Variants in PGAP1 observed in about 807,000 individuals in gnomAD.
The protein encoded by PGAP1 is post-GPI attachment to proteins inositol deacylase 1.
In PGAP1, 76 loss-of-function variants were observed where a neutral mutation model predicts 127.0. The observed-to-expected ratio is 0.60, with a 90% CI of 0.50 to 0.72. The LOEUF is 0.72. Ranked by LOEUF, PGAP1 falls within the 30% of genes least tolerant of loss-of-function variation. The pLI, the probability that PGAP1 is intolerant of heterozygous loss-of-function variation, is 0.00. For synonymous variants in PGAP1, 362 were observed against 366.5 expected (o/e 0.99, Z 0.14); for missense variants, 982 against 1,071.3 (o/e 0.92, Z 1.16).
chr2:196,884,432 T>A (rs1250338170), intron 12 of PGAP1, among the ~76,000 whole-genome samples: 1 of 152,158 alleles, frequency 6.6e-6, no homozygotes, highest in Non-Finnish European at 1.5e-5. Context: ...CAAGGTCACA[T>A]GAATGAATAT....
At chr2:196,871,905 CA>C (rs1428326636) in intron 18 of PGAP1, among the ~76,000 whole-genome samples, 1 of 152,108 alleles carries the variant, frequency 6.6e-6, no homozygotes, top group Non-Finnish European at 1.5e-5. Context: ...TTCATGAATC[CA>C]TAAGTAACTA....
intron 20 of PGAP1, among the ~76,000 whole-genome samples, chr2:196,853,287 T>C (rs1293343735): frequency 6.6e-6 from 1 of 152,252 alleles, no homozygotes; most frequent in East Asian, 1.9e-4. Flanking sequence ...TGTACTGTTA[T>C]GGCCTGAGGC....
At chr2:196,897,304 T>C in intron 6 of PGAP1, 107 bp from the exon 7 acceptor site, 1 of 522,682 alleles carries the variant, frequency 1.9e-6, no homozygotes, top group Middle Eastern at 3.0e-4. Context: ...TTTCCTTTAG[T>C]GCTCTAAACT....
rs185075085 is a variant in PGAP1 at position 196,919,346 on chromosome 2, C to T, written c.301+651G>A. On this transcript the variant is annotated intron_variant, in intron 2 of 26. Coordinates refer to ENST00000354764, the MANE Select transcript of PGAP1 (RefSeq NM_024989.4). Reference sequence around the variant, plus strand: ...TAGACACGTGCTAGATGAATAAACACGTAAATAATTGCACATGTTGAAACA... The same window carrying T: ...TAGACACGTGCTAGATGAATAAACATGTAAATAATTGCACATGTTGAAACA... Among the ~76,000 whole-genome samples the T allele has an allele frequency of 4.4e-4, 67 of 152,254 alleles. No homozygotes were observed. In the East Asian group the frequency reaches 0.012, roughly 28 times the overall value.
chr2:196,875,885 T>TG, intron 13 of PGAP1, 64 bp from the exon 14 acceptor site: 4 of 822,508 alleles, frequency 4.9e-6, no homozygotes, highest in Non-Finnish European at 7.9e-6. Context: ...GTATCTTTAC[T>TG]TGATGTTTGA....
intron 5 of PGAP1, among the ~76,000 whole-genome samples, chr2:196,898,797 C>T (rs1702375774): frequency 6.6e-6 from 1 of 151,992 alleles, no homozygotes; most frequent in South Asian, 2.1e-4. Flanking sequence ...AAGATGTTAA[C>T]TTCTTCATCA....
Position 196,854,321 on chromosome 2 carries a change from T to C in PGAP1, c.1862-6284A>G, listed in dbSNP as rs115280571. On this transcript the variant is annotated intron_variant, in intron 20 of 26. Transcript: ENST00000354764. ...GAGATATTAAATGATTAGGCTTATT[T>C]GGTAAATTATATGGAAAACATTGTC... 2.5e-3 allele frequency among the ~76,000 whole-genome samples: 383 copies of C among 152,312 alleles called. 2 individuals carry two copies. Among genetic ancestry groups the C allele is most frequent in the African/African-American group, 8.8e-3 (366 of 41,562 alleles).
chr2:196,843,945 A>G lies in PGAP1; in HGVS notation c.2468T>C (p.Leu823Pro), dbSNP rs1296936019. ...CATGCTGAGTAATACAATCCATGTT[A>G]GTAAGTTAATCACAGTACTGTGCAT... The part of the protein sequence containing the change: ...LRMHSTVINL[L>P]TWIVLLSMPS... Residue 823 changes from leucine (L) to proline (P), a missense_variant, in exon 25 of 27, where the codon CTA becomes CCA. Leu to Pro is a moderately conservative substitution (Grantham distance 98). Coordinates refer to ENST00000354764, the MANE Select transcript of PGAP1 (RefSeq NM_024989.4). 1 of 1,594,148 alleles carries G rather than the reference A, an allele frequency of 6.3e-7. No individual in the cohort carries two copies.
intron 1 of PGAP1, among the ~76,000 whole-genome samples, chr2:196,920,447 A>C (rs544682677): frequency 2.6e-4 from 40 of 152,252 alleles, no homozygotes; most frequent in African/African-American, 9.4e-4. Flanking sequence ...GGCAGAAAGC[A>C]CTGGTATATG....
chr2:196,901,940 C>T (rs1380116756), intron 5 of PGAP1, among the ~76,000 whole-genome samples: 1 of 152,104 alleles, frequency 6.6e-6, no homozygotes, highest in East Asian at 1.9e-4. Flanking sequence ...AATGAACAGG[C>T]TCTTATTTTA....
chr2:196,871,057 G>T, intron 18 of PGAP1, 78 bp from the exon 19 acceptor site: 1 of 981,822 alleles, frequency 1.0e-6, no homozygotes, highest in Non-Finnish European at 1.6e-6. Context: ...GAGCACTTAT[G>T]CATATCTCTA....
rs935124847 is a variant in PGAP1 at position 196,833,085 on chromosome 2, C to T, written c.*8149G>A. 1 of 152,546 alleles carries T rather than the reference C, an allele frequency of 6.6e-6. No homozygotes were observed. Among genetic ancestry groups the T allele is most frequent in the Admixed American group, 6.5e-5 (1 of 15,270 alleles). The allele number at this position is 152,546 out of a possible 1,614,324, so 9.4% of individuals were successfully genotyped here. A position where few individuals can be genotyped will look rare whatever the true frequency, so the allele number is the denominator to read the frequency against. On this transcript the variant is annotated 3_prime_UTR_variant, in exon 27 of 27. Transcript: ENST00000354764. ...AAAAAGAAAGCACCAAAAATTACTACACATTAATACCTGAGCAGAGACTGA... is the reference window on the plus strand; with the variant it reads ...AAAAAGAAAGCACCAAAAATTACTATACATTAATACCTGAGCAGAGACTGA...
chr2:196,890,686 A>G (rs1483973278), intron 10 of PGAP1, 142 bp downstream of exon 10: 2 of 565,236 alleles, frequency 3.5e-6, no homozygotes, highest in Non-Finnish European at 6.3e-6. Flanking sequence ...ATACTTTTCA[A>G]TCAAAACACT....
chr2:196,885,431 G>A lies in PGAP1; in HGVS notation c.1265C>T (p.Thr422Ile). Residue 422 changes from threonine (T) to isoleucine (I), a missense_variant, in exon 12 of 27, where the codon ACA becomes ATA. By Grantham distance (89) the Thr-to-Ile change is moderately conservative. Coordinates refer to ENST00000354764, the MANE Select transcript of PGAP1 (RefSeq NM_024989.4). ...TCTGAAGCCATAATTTACCTTAATTGTTGGCAGCAGTTCAGCTTTCCATGA... is the reference window on the plus strand; with the variant it reads ...TCTGAAGCCATAATTTACCTTAATTATTGGCAGCAGTTCAGCTTTCCATGA... ...DLSWKAELLP[T>I]IKYLTLRLQD... The A allele has an allele frequency of 6.3e-7, 1 of 1,599,202 alleles. No homozygotes were observed. Among genetic ancestry groups the A allele is most frequent in the Non-Finnish European group, 8.5e-7 (1 of 1,171,588 alleles).
intron 12 of PGAP1, among the ~76,000 whole-genome samples, chr2:196,883,269 A>G (rs961267374): frequency 4.6e-5 from 7 of 152,190 alleles, no homozygotes; most frequent in East Asian, 1.9e-4. Flanking sequence ...GCTTTCCCCA[A>G]TCTTCTTGAG....
At chr2:196,863,634 G>C (rs1701140103) in intron 20 of PGAP1, among the ~76,000 whole-genome samples, 1 of 152,108 alleles carries the variant, frequency 6.6e-6, no homozygotes, top group South Asian at 2.1e-4. Context: ...GAAGAAATAA[G>C]GTCTAGCATT....
At chr2:196,865,179 C>A in intron 19 of PGAP1, 99 bp from the exon 20 acceptor site, 1 of 622,672 alleles carries the variant, frequency 1.6e-6, no homozygotes, top group South Asian at 2.2e-5. Context: ...TTATACCTGA[C>A]ATGGCTACAA....
At chr2:196,870,791 C>G in intron 19 of PGAP1, 150 bp downstream of exon 19, 1 of 520,674 alleles carries the variant, frequency 1.9e-6, no homozygotes. Flanking sequence ...ACAGAAGCAA[C>G]TACAGCAGTG....
At chr2:196,841,679 G>C (rs1700418216) in intron 26 of PGAP1, among the ~76,000 whole-genome samples, 1 of 152,016 alleles carries the variant, frequency 6.6e-6, no homozygotes, top group Admixed American at 6.6e-5. Context: ...CACCACACCT[G>C]GCTAATTTTT....
Sources: gnomAD v4.1 joint callset for allele counts (sites outside exome capture counted in the v4.1 genomes callset) on GRCh38, gnomAD v4.1.1 for gene constraint, MANE v1.5 for transcripts, NCBI Gene and HGNC (gene_info 2026-07-23, HGNC 2026-07-21) for gene names.